Variants in TENM1 observed in about 807,000 individuals in gnomAD.
TENM1 encodes teneurin transmembrane protein 1.
A neutral mutation model predicts 174.8 loss-of-function variants in TENM1; 35 were observed. The observed-to-expected ratio is 0.20, with a 90% CI of 0.15 to 0.27. TENM1 has a LOEUF of 0.27. Among genes scored for constraint, TENM1 ranks in the 10% least tolerant of loss-of-function variants. TENM1 has a pLI of 1.00. For synonymous variants in TENM1, 781 were observed against 798.7 expected (o/e 0.98, Z 0.37); for missense variants, 1,633 against 2,130.1 (o/e 0.77, Z 4.59).
At chrX:125,123,424 A>AAAAATAAAAT in the TENM1 span, among the ~76,000 whole-genome samples, 4,946 of 94,947 alleles carry the variant, frequency 0.052, 348 homozygotes, top group African/African-American at 0.17. Context: ...ATCTCTACAA[A>AAAAATAAAAT]AAAATAAAAT....
intron 20 of TENM1, among the ~76,000 whole-genome samples, chrX:124,491,016 G>A (rs2047054720): frequency 8.9e-6 from 1 of 112,036 alleles, no homozygotes; most frequent in African/African-American, 3.2e-5. Flanking sequence ...TTTAGACTGA[G>A]GAAGATAAAG....
At chrX:124,975,612 T>G in the TENM1 span, among the ~76,000 whole-genome samples, 2 of 112,012 alleles carry the variant, frequency 1.8e-5, no homozygotes, top group South Asian at 7.3e-4. Context: ...TCAAGTTTCA[T>G]GTATAACAAC....
intron 11 of TENM1, among the ~76,000 whole-genome samples, chrX:124,596,673 A>G (rs1473090915): frequency 9.0e-6 from 1 of 111,632 alleles, no homozygotes; most frequent in Non-Finnish European, 1.9e-5. Context: ...TGTCGTAAGG[A>G]GAGTAAGAGA....
chrX:125,103,290 C>T, the TENM1 span, among the ~76,000 whole-genome samples: 1 of 111,285 alleles, frequency 9.0e-6, no homozygotes, highest in African/African-American at 3.3e-5. Flanking sequence ...TAAAATGGTA[C>T]CTAAATTAAT....
chrX:124,457,021 A>G (rs1023372733), intron 22 of TENM1, among the ~76,000 whole-genome samples: 4 of 112,261 alleles, frequency 3.6e-5, no homozygotes, highest in Middle Eastern at 4.6e-3. Context: ...TTTTGTTTTC[A>G]AAGCAAGTAA....
chrX:124,623,124 T>C (rs954917810), intron 11 of TENM1, among the ~76,000 whole-genome samples: 1 of 112,245 alleles, frequency 8.9e-6, no homozygotes, highest in African/African-American at 3.2e-5. Flanking sequence ...ATTGTGTGTA[T>C]GTGTGTAAGA....
chrX:124,411,401 G>A (rs977335497), intron 25 of TENM1, among the ~76,000 whole-genome samples: 1 of 110,951 alleles, frequency 9.0e-6, no homozygotes, highest in African/African-American at 3.3e-5. Context: ...CAATGGTGTT[G>A]GGAATAAGAT....
rs772671490 is a variant in TENM1, at chrX:124,497,282, C to A, written c.3446-17G>T. The A allele has an allele frequency of 2.5e-6, 3 of 1,179,648 alleles. No homozygotes were observed. The highest frequency in any genetic ancestry group is 2.4e-5 in the Admixed American group (1 of 42,340). On this transcript the variant is annotated splice_polypyrimidine_tract_variant and intron_variant, in intron 19 of 31. Coordinates refer to ENST00000422452, the Ensembl canonical transcript of TENM1. ...GTATGATTCCTAGATTCAAGGAAAA[C>A]AAAAAGAGAATTTAAGAAAAGCAAT...
At chrX:124,703,568 AG>A (rs2052825852) in intron 5 of TENM1, among the ~76,000 whole-genome samples, 2 of 112,203 alleles carry the variant, frequency 1.8e-5, no homozygotes, top group African/African-American at 6.5e-5. Flanking sequence ...ATATAGTAAA[AG>A]TTAATAGAAA....
At chrX:124,508,322 G>C (rs1311293012) in intron 18 of TENM1, among the ~76,000 whole-genome samples, 1 of 112,218 alleles carries the variant, frequency 8.9e-6, no homozygotes, top group Non-Finnish European at 1.9e-5. Context: ...GTCAGAATCA[G>C]GTGTTGAATT....
At chrX:124,521,486 C>T (rs2047848788) in intron 17 of TENM1, among the ~76,000 whole-genome samples, 1 of 112,193 alleles carries the variant, frequency 8.9e-6, no homozygotes, top group Non-Finnish European at 1.9e-5. Context: ...AAGCAAATAA[C>T]TCTCACCAAT....
At chrX:124,546,741 G>A in intron 15 of TENM1, 133 bp downstream of exon 18, 1 of 540,846 alleles carries the variant, frequency 1.8e-6, no homozygotes, top group Non-Finnish European at 3.0e-6. Flanking sequence ...GCTTTCCAGA[G>A]AAGTCCTAAA....
chrX:125,041,053 A>G, the TENM1 span, among the ~76,000 whole-genome samples: 2 of 110,967 alleles, frequency 1.8e-5, no homozygotes, highest in Non-Finnish European at 3.8e-5. Flanking sequence ...TCCCTACCCA[A>G]TTTTCATACT....
intron 23 of TENM1, among the ~76,000 whole-genome samples, chrX:124,427,963 C>T (rs1240625650): frequency 9.0e-6 from 1 of 111,177 alleles, no homozygotes; most frequent in African/African-American, 3.3e-5. Flanking sequence ...GGGGTGGGAA[C>T]AGAGATTGAA....
chrX:124,914,498 AT>A (rs2057890067), intron 1 of TENM1, among the ~76,000 whole-genome samples: 2 of 111,929 alleles, frequency 1.8e-5, no homozygotes, highest in Middle Eastern at 4.6e-3. Flanking sequence ...ATATCCAACT[AT>A]TCATTTGTCA....
At chrX:124,978,623 T>G in the TENM1 span, among the ~76,000 whole-genome samples, 1 of 111,880 alleles carries the variant, frequency 8.9e-6, no homozygotes, top group South Asian at 3.7e-4. Context: ...GTCACATTCT[T>G]TTTAAGTCTG....
intron 6 of TENM1, among the ~76,000 whole-genome samples, chrX:124,670,929 T>A (rs910651481): frequency 1.6e-4 from 18 of 111,565 alleles, no homozygotes; most frequent in Non-Finnish European, 3.4e-4. Flanking sequence ...TATATATTAT[T>A]CTCAATTTCT....
chrX:124,580,229 A>G (rs2049268562), intron 11 of TENM1, among the ~76,000 whole-genome samples: 1 of 111,425 alleles, frequency 9.0e-6, no homozygotes, highest in South Asian at 3.7e-4. Context: ...AGACAAATGG[A>G]TAAAGAAAAT....
At chrX:125,031,476 A>T in the TENM1 span, among the ~76,000 whole-genome samples, 2 of 111,864 alleles carry the variant, frequency 1.8e-5, no homozygotes, top group African/African-American at 3.3e-5. Context: ...TAACTGAATA[A>T]AATAATCTAC....
Sources: allele counts gnomAD v4.1 joint callset (sites outside exome capture counted in the v4.1 genomes callset), GRCh38; gene constraint gnomAD v4.1.1; transcripts MANE v1.5; gene names NCBI Gene and HGNC (gene_info 2026-07-23, HGNC 2026-07-21).